Variants in DEK observed in about 807,000 individuals in gnomAD.
DEK encodes DEK proto-oncogene.
DEK carries 28 observed loss-of-function variants against 46.8 expected under a neutral mutation model. That is an observed-to-expected ratio of 0.60 (90% CI 0.44 to 0.82). The LOEUF is 0.82. DEK is among the 40% of genes least tolerant of loss of function. DEK has a pLI of 0.00. For missense variants in DEK, 416 were observed against 430.6 expected (o/e 0.97, Z 0.30); for synonymous variants, 160 against 144.5 (o/e 1.11, Z -0.77).
intron 7 of DEK, among the ~76,000 whole-genome samples, chr6:18,241,985 C>A (rs1295286636): frequency 6.6e-6 from 1 of 152,178 alleles, no homozygotes; most frequent in Non-Finnish European, 1.5e-5. Context: ...CTGATAAGCA[C>A]AAGTGGATTT....
At chr6:18,237,339 C>T in intron 8 of DEK, 42 bp downstream of exon 8, 1 of 1,566,488 alleles carries the variant, frequency 6.4e-7, no homozygotes, top group Non-Finnish European at 8.6e-7. Context: ...TTAATATATG[C>T]TATATCTTTA....
intron 2 of DEK, among the ~76,000 whole-genome samples, chr6:18,260,831 C>G (rs146476857): frequency 6.6e-6 from 1 of 151,596 alleles, no homozygotes; most frequent in South Asian, 2.1e-4. Flanking sequence ...TAAAACCCTG[C>G]CTCTACAAAA....
chr6:18,229,274 A>T (rs907213564), intron 9 of DEK, among the ~76,000 whole-genome samples: 1 of 152,202 alleles, frequency 6.6e-6, no homozygotes, highest in African/African-American at 2.4e-5. Flanking sequence ...AACCACAAAG[A>T]TGGGAAGAAA....
At chr6:18,240,373 T>C (rs1036228250) in intron 7 of DEK, among the ~76,000 whole-genome samples, 4 of 152,216 alleles carry the variant, frequency 2.6e-5, no homozygotes, top group African/African-American at 9.6e-5. Context: ...AAGAAAAATA[T>C]ACGACATAAT....
At chr6:18,230,083 TAAAG>T (rs1216532992) in intron 9 of DEK, among the ~76,000 whole-genome samples, 2 of 152,182 alleles carry the variant, frequency 1.3e-5, no homozygotes, top group Admixed American at 6.5e-5. Context: ...TCGACATTCT[TAAAG>T]AAAAGAATTT....
intron 1 of DEK, 84 bp downstream of exon 1, chr6:18,264,301 G>A (rs1307726649): frequency 5.7e-6 from 1 of 174,836 alleles, no homozygotes. Context: ...CCCCGCCCCA[G>A]GCCGCCGTCC....
intron 7 of DEK, chr6:18,244,732 T>C: frequency 2.8e-6 from 1 of 363,504 alleles, no homozygotes; most frequent in South Asian, 2.4e-5. Flanking sequence ...CAGAAGATTA[T>C]GAAAGCAAGT....
intron 9 of DEK, among the ~76,000 whole-genome samples, chr6:18,234,790 A>G (rs1790576244): frequency 6.6e-6 from 1 of 152,120 alleles, no homozygotes; most frequent in Non-Finnish European, 1.5e-5. Context: ...CTACCCATTA[A>G]AAATACTTTC....
At chr6:18,233,350 T>C (rs1033469876) in intron 9 of DEK, among the ~76,000 whole-genome samples, 5 of 152,044 alleles carry the variant, frequency 3.3e-5, no homozygotes, top group Non-Finnish European at 5.9e-5. Context: ...AATTGACAAA[T>C]GGGATCTAAT....
intron 7 of DEK, among the ~76,000 whole-genome samples, chr6:18,241,541 G>A (rs150071785): frequency 8.5e-5 from 13 of 152,236 alleles, no homozygotes; most frequent in African/African-American, 2.6e-4. Context: ...AAGGTATTGT[G>A]AAGCTGTAAG....
chr6:18,244,799 A>G (rs1791038877), intron 7 of DEK, among the ~76,000 whole-genome samples: 1 of 152,204 alleles, frequency 6.6e-6, no homozygotes, highest in South Asian at 2.1e-4. Flanking sequence ...AAAGGTTTAA[A>G]TGGTTTATAC....
chr6:18,255,993 CTTTTTTTT>C (rs58144742), intron 5 of DEK, 142 bp from the exon 6 acceptor site: 11 of 717,578 alleles, frequency 1.5e-5, no homozygotes, highest in Middle Eastern at 4.0e-4. Flanking sequence ...AATCTTTTTT[CTTTTTTTT>C]TTTTTGAGAC....
In DEK at chr6:18,264,130, G is replaced by C. The variant is rs372079109; in HGVS notation, c.-9-134C>G. ...GTTGCCTCCTCCCATAGCCGGGACC[G>C]CAGCGCTCAGTCCCCAGGGGCGGCT... On this transcript the variant is annotated intron_variant, in intron 1 of 10. Transcript: ENST00000652689. The C allele has an allele frequency of 5.2e-4, 389 of 743,034 alleles. 4 individuals carry two copies. In the South Asian group the frequency reaches 8.7e-3, roughly 17 times the overall value. 46.0% of individuals were successfully genotyped at this position (743,034 alleles called of 1,614,324 possible). A position where few individuals can be genotyped will look rare whatever the true frequency, so the allele number is the denominator to read the frequency against.
At chr6:18,228,191 G>T (rs1484107266) in intron 9 of DEK, among the ~76,000 whole-genome samples, 1 of 152,130 alleles carries the variant, frequency 6.6e-6, no homozygotes, top group Non-Finnish European at 1.5e-5. Context: ...TACTCTGCCA[G>T]TCAGTTTCTA....
intron 8 of DEK, chr6:18,237,140 A>G: frequency 2.7e-6 from 1 of 376,806 alleles, no homozygotes; most frequent in Non-Finnish European, 4.6e-6. Context: ...TTTCATGTTT[A>G]GACTGGGTCC....
rs1790708158 is a variant in DEK, at chr6:18,237,501, C to T, written c.778G>A (p.Ala260Thr). The change falls in exon 8 of 11, where the codon GCC becomes ACC. Residue 260 changes from alanine (A) to threonine (T), a missense_variant. By Grantham distance (58) the Ala-to-Thr change is moderately conservative (BLOSUM62 0). Transcript: ENST00000652689. ...TTCTGTTTAGGTTTTTCTCTTTTGGCTGTCTTTTTTGGTGGCTGTTACAAA... is the reference window on the plus strand; with the variant it reads ...TTCTGTTTAGGTTTTTCTCTTTTGGTTGTCTTTTTTGGTGGCTGTTACAAA... The part of the protein sequence containing the change: ...ESEEEPPKKT[A>T]KREKPKQKAT... 6.3e-7 allele frequency: 1 copy of T among 1,599,974 alleles called. No homozygotes were observed. Among genetic ancestry groups the T allele is most frequent in the Admixed American group, 1.8e-5 (1 of 55,682 alleles).
chr6:18,253,108 T>A (rs1406639109), intron 6 of DEK, among the ~76,000 whole-genome samples: 1 of 152,074 alleles, frequency 6.6e-6, no homozygotes, highest in African/African-American at 2.4e-5. Flanking sequence ...CCCACATTTT[T>A]TTTTTTTTTT....
chr6:18,238,485 TC>T (rs1790762886), intron 7 of DEK, among the ~76,000 whole-genome samples: 1 of 151,718 alleles, frequency 6.6e-6, no homozygotes, highest in Non-Finnish European at 1.5e-5. Context: ...GATCATGAGA[TC>T]AAGAGACTGA....
intron 7 of DEK, among the ~76,000 whole-genome samples, chr6:18,239,383 T>C (rs1214816764): frequency 1.4e-5 from 2 of 142,346 alleles, no homozygotes; most frequent in Non-Finnish European, 3.0e-5. Context: ...ATGGTCTCGC[T>C]ATGTTACCCA....
Sources: gnomAD v4.1 joint callset for allele counts (sites outside exome capture counted in the v4.1 genomes callset) on GRCh38, gnomAD v4.1.1 for gene constraint, MANE v1.5 for transcripts, NCBI Gene and HGNC (gene_info 2026-07-23, HGNC 2026-07-21) for gene names.